The following AKAP6 variants were observed in gnomAD, a reference collection of about 807,000 sequenced individuals.
AKAP6 encodes the protein A-kinase anchoring protein 6.
In AKAP6, 58 loss-of-function variants were observed where a neutral mutation model predicts 188.5. That is an observed-to-expected ratio of 0.31 (90% CI 0.25 to 0.38). The LOEUF is 0.38. AKAP6 is among the 10% of genes least tolerant of loss of function. The pLI, the probability that AKAP6 is intolerant of heterozygous loss-of-function variation, is 1.00. For synonymous variants in AKAP6, 989 were observed against 998.6 expected (o/e 0.99, Z 0.18); for missense variants, 2,710 against 2,740.0 (o/e 0.99, Z 0.24).
chr14:32,380,256 G>A (rs1276547068), intron 1 of AKAP6, among the ~76,000 whole-genome samples: 1 of 152,186 alleles, frequency 6.6e-6, no homozygotes, highest in Non-Finnish European at 1.5e-5. Flanking sequence ...CTTCCCTAGT[G>A]TCTTCAGGCA....
chr14:32,474,073 T>A (rs1293533813), intron 2 of AKAP6: 1 of 152,156 alleles, frequency 6.6e-6, no homozygotes, highest in Non-Finnish European at 1.5e-5. Flanking sequence ...AATTTTTGTA[T>A]TTTTGGTAGA....
At chr14:32,520,153 A>T (rs145264227) in intron 2 of AKAP6, among the ~76,000 whole-genome samples, 24,279 of 152,192 alleles carry the variant, frequency 0.16, 2,027 homozygotes, top group Middle Eastern at 0.19. Context: ...ACCAACAAGA[A>T]CAAAGACACA....
intron 4 of AKAP6, among the ~76,000 whole-genome samples, chr14:32,574,288 A>G (rs1401763777): frequency 6.6e-6 from 1 of 152,210 alleles, no homozygotes; most frequent in African/African-American, 2.4e-5. Context: ...GAAGAAACCC[A>G]GAGAGAATCC....
chr14:32,630,135 C>T (rs1887206096), intron 7 of AKAP6, among the ~76,000 whole-genome samples: 1 of 152,024 alleles, frequency 6.6e-6, no homozygotes, highest in Non-Finnish European at 1.5e-5. Flanking sequence ...TTCTTGTTCC[C>T]ATTAAATAAG....
chr14:32,545,609 C>G lies in AKAP6; in HGVS notation c.956C>G (p.Pro319Arg), dbSNP rs902960153. Residue 319 changes from proline (P) to arginine (R), a missense_variant, in exon 4 of 14, where the codon CCA (proline) becomes CGA (arginine). Physicochemically the swap from Pro to Arg is moderately radical, Grantham distance 103. Coordinates refer to ENST00000280979, the MANE Select transcript of AKAP6 (RefSeq NM_004274.5). ...AATGCTTCTGCAGTCGAAGAGCAAC[C>G]AGGCTTAACACTGGGGGTGTCATCA... ...EDNASAVEEQ[P>R]GLTLGVSSSS... 6.2e-7 allele frequency: 1 copy of G among 1,614,146 alleles called. No homozygotes were observed. The highest frequency in any genetic ancestry group is 2.2e-5 in the East Asian group (1 of 44,884).
intron 1 of AKAP6, among the ~76,000 whole-genome samples, chr14:32,408,217 G>A (rs1267357780): frequency 6.6e-6 from 1 of 152,124 alleles, no homozygotes; most frequent in Admixed American, 6.5e-5. Context: ...TGGGAGCCAG[G>A]ATTCTTCAAC....
chr14:32,453,748 C>T (rs1209059102), intron 2 of AKAP6, among the ~76,000 whole-genome samples: 1 of 150,684 alleles, frequency 6.6e-6, no homozygotes, highest in African/African-American at 2.4e-5. Flanking sequence ...AGGCGCCCGC[C>T]ACTGCGCCCG....
intron 5 of AKAP6, among the ~76,000 whole-genome samples, chr14:32,587,789 T>A (rs1284512826): frequency 6.6e-6 from 1 of 152,132 alleles, no homozygotes; most frequent in Non-Finnish European, 1.5e-5. Flanking sequence ...TTGAGTGTAG[T>A]AAAGGATGCA....
intron 2 of AKAP6, among the ~76,000 whole-genome samples, chr14:32,481,398 T>G (rs149812862): frequency 1.2e-4 from 18 of 152,260 alleles, no homozygotes; most frequent in African/African-American, 4.3e-4. Context: ...CTTATGCTGC[T>G]AATAAAGACA....
intron 2 of AKAP6, among the ~76,000 whole-genome samples, chr14:32,530,256 A>G (rs1050385520): frequency 6.6e-6 from 1 of 152,014 alleles, no homozygotes; most frequent in Admixed American, 6.6e-5. Flanking sequence ...CGAACTCCTG[A>G]GTCCAAGCAA....
At chr14:32,510,438 G>GTGTATATATATACACACATATATATGTA (rs1566546723) in intron 2 of AKAP6, among the ~76,000 whole-genome samples, 2 of 84,458 alleles carry the variant, frequency 2.4e-5, no homozygotes, top group African/African-American at 9.0e-5. Flanking sequence ...ATATATATGT[G>GTGTATATATATACACACATATATATGTA]TATATATATA....
chr14:32,489,390 T>A (rs1172582885), intron 2 of AKAP6, among the ~76,000 whole-genome samples: 1 of 152,096 alleles, frequency 6.6e-6, no homozygotes, highest in Non-Finnish European at 1.5e-5. Context: ...TAAAATTTTT[T>A]ATAGAGATGA....
intron 7 of AKAP6, among the ~76,000 whole-genome samples, chr14:32,631,759 A>G (rs1312476023): frequency 6.6e-6 from 1 of 152,098 alleles, no homozygotes; most frequent in Non-Finnish European, 1.5e-5. Flanking sequence ...TGATTTTAAA[A>G]TTTACAACAA....
chr14:32,753,660 ACTTTTAAGT>A (rs1482546150), intron 11 of AKAP6, among the ~76,000 whole-genome samples: 1 of 152,108 alleles, frequency 6.6e-6, no homozygotes, highest in African/African-American at 2.4e-5. Context: ...TTTATGTTTT[ACTTTTAAGT>A]CTTTAATCCA....
intron 7 of AKAP6, among the ~76,000 whole-genome samples, chr14:32,629,544 C>A (rs1337332285): frequency 6.6e-6 from 1 of 150,580 alleles, no homozygotes; most frequent in African/African-American, 2.4e-5. Flanking sequence ...GAACTAGCCA[C>A]ACATCTGTGG....
intron 7 of AKAP6, among the ~76,000 whole-genome samples, chr14:32,646,527 C>T (rs1285823358): frequency 6.6e-6 from 1 of 152,092 alleles, no homozygotes; most frequent in East Asian, 1.9e-4. Flanking sequence ...ATTAGGCTGC[C>T]ATTATTCCTG....
At chr14:32,799,347 C>T (rs1240709539) in intron 12 of AKAP6, among the ~76,000 whole-genome samples, 1 of 152,016 alleles carries the variant, frequency 6.6e-6, no homozygotes, top group Non-Finnish European at 1.5e-5. Flanking sequence ...TTTTCTTCTG[C>T]TTCATTTAGG....
chr14:32,596,581 T>C (rs1419835504), intron 5 of AKAP6, among the ~76,000 whole-genome samples: 1 of 152,162 alleles, frequency 6.6e-6, no homozygotes, highest in South Asian at 2.1e-4. Context: ...AGGAACCAGA[T>C]TACTCATATT....
At chr14:32,800,998 C>T (rs925274367) in intron 12 of AKAP6, among the ~76,000 whole-genome samples, 3 of 152,112 alleles carry the variant, frequency 2.0e-5, no homozygotes, top group African/African-American at 7.2e-5. Context: ...GCCTGGGCAA[C>T]AGAGTGACAC....
Sources: allele counts gnomAD v4.1 joint callset (sites outside exome capture counted in the v4.1 genomes callset), GRCh38; gene constraint gnomAD v4.1.1; transcripts MANE v1.5; gene names NCBI Gene and HGNC (gene_info 2026-07-23, HGNC 2026-07-21).